Variants in RNF135 observed in about 807,000 individuals in gnomAD.
RNF135 encodes ring finger protein 135.
RNF135 carries 46 observed loss-of-function variants against 41.9 expected under a neutral mutation model. That is an observed-to-expected ratio of 1.10 (90% CI 0.87 to 1.40). RNF135 has a LOEUF of 1.40. Among genes scored for constraint, RNF135 ranks in the 40% most tolerant of loss-of-function variants. The pLI is 0.00. For missense variants in RNF135, 539 were observed against 549.8 expected, an observed-to-expected ratio of 0.98 and a Z score of 0.20; for synonymous variants, 238 against 223.8, an observed-to-expected ratio of 1.06 and a Z score of -0.57.
rs545663662 is a variant in RNF135, at chr17:30,971,384, C to T, written c.311C>T (p.Pro104Leu). 9 of 1,526,290 alleles carry T rather than the reference C, an allele frequency of 5.9e-6. No individual in the cohort carries two copies. Among genetic ancestry groups the T allele is most frequent in the Admixed American group, 4.0e-5 (2 of 50,138 alleles). The allele number at this position is 1,526,290 out of a possible 1,614,324, so 94.5% of individuals were successfully genotyped here. A position where few individuals can be genotyped will look rare whatever the true frequency, so the allele number is the denominator to read the frequency against. ...TCCGACCCTGCCCACTGCCCCTGCC[C>T]GGGCTCCAGTTCCCTCTCCAGCGCG... Reference protein sequence around the residue: ...AGSDPAHCPCPGSSSLSSAAA... With the variant: ...AGSDPAHCPCLGSSSLSSAAA... The change falls in exon 1 of 5, where the codon CCG becomes CTG. Residue 104 changes from proline to leucine, a missense_variant. Pro to Leu is a moderately conservative substitution (Grantham distance 98). Coordinates refer to ENST00000328381, the MANE Select transcript of RNF135 (RefSeq NM_032322.4).
the RNF135 span, among the ~76,000 whole-genome samples, chr17:30,962,367 C>T: frequency 6.6e-6 from 1 of 152,022 alleles, no homozygotes; most frequent in African/African-American, 2.4e-5. Context: ...TTCTTGACCT[C>T]ATGATCCACC....
Position 30,998,655 on chromosome 17 carries a change from TC to T in RNF135, c.770-5del. 1 of 1,613,656 alleles carries T rather than the reference TC, an allele frequency of 6.2e-7. No homozygotes were observed. Among genetic ancestry groups the T allele is most frequent in the Non-Finnish European group, 8.5e-7 (1 of 1,179,754 alleles). ...ATGTTCTTATTGTTCTTTTTTTTTT[TC>T]CAAAGGGGCCATCCATCCAACCTTT... On this transcript the variant is annotated splice_region_variant and splice_polypyrimidine_tract_variant and intron_variant, in intron 4 of 4. Transcript: ENST00000328381.
At chr17:30,988,160 A>C in intron 3 of RNF135, 54 bp downstream of exon 3, 1 of 1,537,620 alleles carries the variant, frequency 6.5e-7, no homozygotes, top group Non-Finnish European at 9.0e-7. Flanking sequence ...TGGGGGGAGT[A>C]GCAGAGTGCT....
chr17:30,988,306 A>G (rs1907736196), intron 3 of RNF135, among the ~76,000 whole-genome samples, 200 bp downstream of exon 3: 1 of 151,810 alleles, frequency 6.6e-6, no homozygotes, highest in Non-Finnish European at 1.5e-5. Context: ...GGTGTGATGT[A>G]TCACAAGTCC....
chr17:30,997,218 T>C, intron 3 of RNF135, 24 bp from the exon 4 acceptor site: 1 of 1,598,190 alleles, frequency 6.3e-7, no homozygotes, highest in Non-Finnish European at 8.6e-7. Context: ...GGGACTTTCC[T>C]CTGTTAATTT....
chr17:30,961,393 G>T, the RNF135 span, among the ~76,000 whole-genome samples: 2 of 152,056 alleles, frequency 1.3e-5, no homozygotes, highest in African/African-American at 4.8e-5. Context: ...CTGCAGTAGG[G>T]AATTTCCCAT....
intron 2 of RNF135, among the ~76,000 whole-genome samples, chr17:30,986,379 T>G (rs1211360242): frequency 6.6e-5 from 10 of 152,168 alleles, no homozygotes; most frequent in Non-Finnish European, 1.3e-4. Context: ...GTATTTTTAG[T>G]AGAGACGGGG....
At chr17:30,971,489 C>A in intron 1 of RNF135, 44 bp downstream of exon 1, 1 of 1,451,418 alleles carries the variant, frequency 6.9e-7, no homozygotes, top group Non-Finnish European at 9.0e-7. Context: ...CCCCGGGCTG[C>A]CCGCCGCCTG....
chr17:30,971,344 G>C lies in RNF135; in HGVS notation c.271G>C (p.Glu91Gln), dbSNP rs867226650. 1 of 1,533,214 alleles carries C rather than the reference G, an allele frequency of 6.5e-7. No individual in the cohort carries two copies. Among genetic ancestry groups the C allele is most frequent in the Non-Finnish European group, 8.7e-7 (1 of 1,143,630 alleles). The allele number at this position is 1,533,214 out of a possible 1,614,324, so 95.0% of individuals were successfully genotyped here. A position where few individuals can be genotyped will look rare whatever the true frequency, so the allele number is the denominator to read the frequency against. Reference protein sequence around the residue: ...LADKYRRAAREIQAGSDPAHC... With the variant: ...LADKYRRAARQIQAGSDPAHC... ...CGACAAGTACCGCCGCGCCGCACGC[G>C]AGATACAGGCGGGCTCCGACCCTGC... Residue 91 changes from glutamate (E) to glutamine (Q), a missense_variant, in exon 1 of 5, where the codon GAG (glutamate) becomes CAG (glutamine). Glu to Gln is a conservative substitution (Grantham distance 29). This residue lies in a region of RNF135 where 277 missense variants were observed against 212.8 expected (regional missense o/e 1.30). Transcript: ENST00000328381.
chr17:30,965,738 G>T, the RNF135 span, among the ~76,000 whole-genome samples: 3 of 152,002 alleles, frequency 2.0e-5, no homozygotes, highest in South Asian at 6.2e-4. Context: ...CCCAAAGGCT[G>T]GAGGTTATGG....
intron 2 of RNF135, 62 bp downstream of exon 2, chr17:30,984,822 T>G: frequency 3.3e-6 from 5 of 1,531,450 alleles, no homozygotes; most frequent in African/African-American, 1.4e-5. Flanking sequence ...TGCTTTCAAC[T>G]GGAACAACAT....
upstream of RNF135, among the ~76,000 whole-genome samples, chr17:30,969,622 G>T (rs1033007765): frequency 2.0e-5 from 3 of 152,194 alleles, no homozygotes; most frequent in African/African-American, 7.2e-5. Flanking sequence ...GTGGGTCAGG[G>T]AAGTGCCAGT....
At chr17:30,966,597 A>G (rs917969725), upstream of RNF135, among the ~76,000 whole-genome samples, 6 of 150,050 alleles carry the variant, frequency 4.0e-5, no homozygotes, top group Admixed American at 1.3e-4. Context: ...CAGGGTTCAC[A>G]CCATTCTCCT....
intron 2 of RNF135, among the ~76,000 whole-genome samples, chr17:30,986,752 T>G (rs1223048314): frequency 6.6e-6 from 1 of 152,172 alleles, no homozygotes; most frequent in African/African-American, 2.4e-5. Context: ...GAAATAATGA[T>G]ACAGGGCCTG....
At chr17:30,998,567 C>A (rs1908522914) in intron 4 of RNF135, 95 bp from the exon 5 acceptor site, 5 of 1,244,776 alleles carry the variant, frequency 4.0e-6, no homozygotes, top group Non-Finnish European at 4.7e-6. Flanking sequence ...AAACATCACA[C>A]CAAAAGATAC....
chr17:30,991,561 CA>C (rs980323128), intron 3 of RNF135, among the ~76,000 whole-genome samples: 1 of 151,736 alleles, frequency 6.6e-6, no homozygotes, highest in Non-Finnish European at 1.5e-5. Context: ...GGATTACAGG[CA>C]CCTGCCACCA....
intron 1 of RNF135, among the ~76,000 whole-genome samples, chr17:30,976,347 CTGACA>C (rs1294238896): frequency 1.3e-5 from 2 of 152,172 alleles, no homozygotes; most frequent in Non-Finnish European, 2.9e-5. Context: ...TTTTTGTGAC[CTGACA>C]TATGTTAGGT....
chr17:30,983,353 AT>A (rs1192298651), intron 1 of RNF135, among the ~76,000 whole-genome samples: 21 of 35,722 alleles, frequency 5.9e-4, no homozygotes, highest in Admixed American at 9.7e-4. Context: ...ATATATATAT[AT>A]TTTTTTTTTT....
upstream of RNF135, among the ~76,000 whole-genome samples, chr17:30,967,111 T>C (rs547567564): frequency 5.3e-5 from 8 of 152,162 alleles, 1 homozygote; most frequent in African/African-American, 1.7e-4. Flanking sequence ...TTCAGCTCAC[T>C]ACAACCTCCG....
Sources: allele counts gnomAD v4.1 joint callset (sites outside exome capture counted in the v4.1 genomes callset), GRCh38; gene constraint gnomAD v4.1.1; regional missense constraint gnomAD v4.1.1; transcripts MANE v1.5; gene names NCBI Gene and HGNC (gene_info 2026-07-23, HGNC 2026-07-21).